P3H2: variants seen among roughly 807,000 people sequenced by gnomAD.
P3H2 encodes leprecan-like 1.
Under a neutral mutation model 87.0 loss-of-function variants are expected in P3H2, and 80 were observed. The observed-to-expected ratio is 0.92, with a 90% CI of 0.77 to 1.11. The LOEUF is 1.11. Ranked by LOEUF, P3H2 falls within the 50% of genes least tolerant of loss-of-function variation. P3H2 has a pLI of 0.00. For synonymous variants in P3H2, 367 were observed against 359.3 expected (o/e 1.02, Z -0.24); for missense variants, 1,001 against 923.9 (o/e 1.08, Z -1.08).
intron 1 of P3H2, among the ~76,000 whole-genome samples, chr3:190,117,648 T>G (rs1712343240): frequency 6.7e-6 from 1 of 149,716 alleles, no homozygotes; most frequent in Admixed American, 6.6e-5. Context: ...TTGAGAGGTT[T>G]TTTTTTTTTT....
chr3:190,019,564 C>CACCTAGGGGTCATAGGTGACT (rs1350613662), intron 1 of P3H2, among the ~76,000 whole-genome samples: 2 of 135,812 alleles, frequency 1.5e-5, no homozygotes, highest in East Asian at 2.5e-4. Context: ...TGCTCATTAT[C>CACCTAGGGGTCATAGGTGACT]GTTTCTATTA....
chr3:190,046,480 G>A (rs1038651014), intron 1 of P3H2, among the ~76,000 whole-genome samples: 9 of 152,144 alleles, frequency 5.9e-5, no homozygotes, highest in African/African-American at 9.7e-5. Context: ...ATGAAGTAAT[G>A]GTAGATGATG....
At chr3:190,066,356 G>T (rs1254753669) in intron 1 of P3H2, among the ~76,000 whole-genome samples, 1 of 151,988 alleles carries the variant, frequency 6.6e-6, no homozygotes, top group Non-Finnish European at 1.5e-5. Flanking sequence ...TGGGATTGGT[G>T]ACTATTATTC....
chr3:190,082,778 C>T (rs1426413870), intron 1 of P3H2, among the ~76,000 whole-genome samples: 1 of 151,960 alleles, frequency 6.6e-6, no homozygotes, highest in Non-Finnish European at 1.5e-5. Flanking sequence ...ATGCTGTAGA[C>T]AACAGAGGTG....
At chr3:190,005,439 T>C (rs1465534347) in intron 1 of P3H2, among the ~76,000 whole-genome samples, 1 of 152,220 alleles carries the variant, frequency 6.6e-6, no homozygotes, top group Non-Finnish European at 1.5e-5. Context: ...CTTGGCAAAT[T>C]TGATTATTTG....
intron 8 of P3H2, among the ~76,000 whole-genome samples, chr3:189,981,703 A>G (rs940224271): frequency 2.4e-4 from 36 of 152,126 alleles, no homozygotes; most frequent in Non-Finnish European, 4.3e-4. Context: ...TAGCCAGGGG[A>G]AAAAAATGCT....
chr3:190,007,965 C>CACACACACACACACACACACACACATAT, intron 1 of P3H2, among the ~76,000 whole-genome samples: 3 of 94,346 alleles, frequency 3.2e-5, no homozygotes, highest in African/African-American at 1.2e-4. Context: ...TGTTGACACA[C>CACACACACACACACACACACACACATAT]ATATATATAT....
intron 1 of P3H2, among the ~76,000 whole-genome samples, chr3:190,043,149 C>G (rs1017058241): frequency 5.3e-4 from 80 of 150,886 alleles, no homozygotes; most frequent in African/African-American, 1.6e-3. Flanking sequence ...ATAGAAGCGT[C>G]TGTGTGTGTG....
chr3:190,006,006 C>T (rs889801888), intron 1 of P3H2, among the ~76,000 whole-genome samples: 3 of 152,170 alleles, frequency 2.0e-5, no homozygotes, highest in South Asian at 2.1e-4. Context: ...TCAGGCTGTA[C>T]AGTATATGAA....
chr3:190,005,583 T>C (rs1008259026), intron 1 of P3H2, among the ~76,000 whole-genome samples: 1 of 152,228 alleles, frequency 6.6e-6, no homozygotes, highest in Non-Finnish European at 1.5e-5. Context: ...CTGTGAGCAA[T>C]GCAAGAAAAG....
intron 2 of P3H2, 41 bp downstream of exon 2, chr3:189,995,249 C>T (rs757461529): frequency 4.3e-5 from 69 of 1,606,846 alleles, no homozygotes; most frequent in African/African-American, 3.1e-4. Context: ...CTTAGGAGCA[C>T]TTAGCTCCCT....
intron 3 of P3H2, among the ~76,000 whole-genome samples, chr3:189,992,282 G>T (rs1355701120): frequency 6.6e-6 from 1 of 152,092 alleles, no homozygotes; most frequent in Non-Finnish European, 1.5e-5. Context: ...TTTTAGTAGA[G>T]ATGGGGTTTC....
At chr3:190,102,869 T>A (rs1311052297) in intron 1 of P3H2, among the ~76,000 whole-genome samples, 1 of 152,174 alleles carries the variant, frequency 6.6e-6, no homozygotes, top group Non-Finnish European at 1.5e-5. Flanking sequence ...CGTTTTTGTT[T>A]TAAATGCCAG....
chr3:190,120,192 G>T, intron 1 of P3H2, 60 bp downstream of exon 1: 1 of 1,568,712 alleles, frequency 6.4e-7, no homozygotes, highest in Admixed American at 1.8e-5. Flanking sequence ...AGCAGGGAGG[G>T]CTCAAGAGAG....
At position 189,974,699 on chromosome 3, in the gene P3H2, G is replaced by C. The variant is rs773858245; in HGVS notation, c.1325-14C>G. ...GTAGAGGACCACCTACAGGAACAGA[G>C]CACATTGTCTTCCCTGTTACCTCTG... On this transcript the variant is annotated splice_polypyrimidine_tract_variant and intron_variant, in intron 8 of 14. Coordinates refer to ENST00000319332, the MANE Select transcript of P3H2 (RefSeq NM_018192.4). 2.5e-6 allele frequency: 4 copies of C among 1,614,168 alleles called. No homozygotes were observed. Among genetic ancestry groups the C allele is most frequent in the Non-Finnish European group, 3.4e-6 (4 of 1,180,006 alleles).
chr3:190,077,238 C>T (rs1217669767), intron 1 of P3H2, among the ~76,000 whole-genome samples: 1 of 152,200 alleles, frequency 6.6e-6, no homozygotes, highest in African/African-American at 2.4e-5. Context: ...GGTCTCCTAG[C>T]AACACTGAAC....
chr3:190,080,693 C>T lies in P3H2; in HGVS notation c.480+39559G>A, dbSNP rs151076333. On this transcript the variant is annotated intron_variant, in intron 1 of 14. Transcript: ENST00000319332. The stretch of plus-strand genomic sequence containing the variant: ...CTGGGATTACAGGTGTGAGCCACCG[C>T]GCCCAGCTGAGATTTGAGCATTTTT... Among the ~76,000 whole-genome samples, 622 of 152,216 alleles carry T rather than the reference C, an allele frequency of 4.1e-3. 7 individuals are homozygous for T. Among genetic ancestry groups the T allele is most frequent in the African/African-American group, 0.014 (584 of 41,554 alleles).
At position 189,974,585 on chromosome 3, in the gene P3H2, C is replaced by G; in HGVS notation, c.1425G>C (p.Gln475His). The change falls in exon 9 of 15, where the codon CAG becomes CAC. Residue 475 changes from glutamine to histidine, a missense_variant. Coordinates refer to ENST00000319332, the MANE Select transcript of P3H2 (RefSeq NM_018192.4). ...VLLDNVLSEE[Q>H]CRELHSVASG... is the part of the protein sequence containing the mutation. The stretch of plus-strand genomic sequence containing the variant: ...TGGCCACGCTGTGGAGCTCCCGGCA[C>G]TGTTCTTCCGACAGGACGTTATCCA... 6.2e-7 allele frequency: 1 copy of G among 1,614,108 alleles called. No individual in the cohort carries two copies. Among genetic ancestry groups the G allele is most frequent in the Non-Finnish European group, 8.5e-7 (1 of 1,180,038 alleles).
rs778369710 is a variant in P3H2, at chr3:189,963,947, G to T, written c.2034+11C>A. ...AGCCTAATTGGCTTTCTGGGCGGGT[G>T]AGAAACTCACCAATTCTCTATAAAG... On this transcript the variant is annotated intron_variant, in intron 14 of 14. Coordinates refer to ENST00000319332, the MANE Select transcript of P3H2 (RefSeq NM_018192.4). The T allele has an allele frequency of 6.2e-7, 1 of 1,614,142 alleles. No homozygotes were observed. Among genetic ancestry groups the T allele is most frequent in the South Asian group, 1.1e-5 (1 of 91,080 alleles).
Sources: gnomAD v4.1 joint callset for allele counts (sites outside exome capture counted in the v4.1 genomes callset) on GRCh38, gnomAD v4.1.1 for gene constraint, MANE v1.5 for transcripts, NCBI Gene and HGNC (gene_info 2026-07-23, HGNC 2026-07-21) for gene names.